Variants in HMGCLL1 observed in about 807,000 individuals in gnomAD.
HMGCLL1 encodes 3-hydroxymethyl-3-methylglutaryl-CoA lyase, cytoplasmic.
HMGCLL1 carries 36 observed loss-of-function variants against 39.1 expected under a neutral mutation model. That is an observed-to-expected ratio of 0.92 (90% confidence interval 0.71 to 1.22). The LOEUF (loss-of-function observed/expected upper bound fraction) is 1.22. Among genes scored for constraint, HMGCLL1 ranks in the 50% most tolerant of loss-of-function variants. HMGCLL1 has a pLI of 0.00. For synonymous variants in HMGCLL1, 149 were observed against 144.0 expected, an observed-to-expected ratio of 1.03 and a Z score of -0.25; for missense variants, 451 against 416.5, an observed-to-expected ratio of 1.08 and a Z score of -0.72.
the HMGCLL1 span, among the ~76,000 whole-genome samples, chr6:55,650,086 T>C: frequency 2.5e-4 from 13 of 51,126 alleles, no homozygotes; most frequent in Admixed American, 8.2e-4. Flanking sequence ...TACACACACA[T>C]ATACATATAT....
intron 7 of HMGCLL1, among the ~76,000 whole-genome samples, chr6:55,483,694 A>G (rs1765856954): frequency 6.6e-6 from 1 of 152,234 alleles, no homozygotes; most frequent in African/African-American, 2.4e-5. Context: ...ACACAAGATG[A>G]GTTGGGTTGA....
intron 7 of HMGCLL1, among the ~76,000 whole-genome samples, chr6:55,477,596 T>C (rs1765525890): frequency 1.4e-5 from 2 of 139,678 alleles, no homozygotes; most frequent in South Asian, 4.3e-4. Context: ...AAGTACCGGA[T>C]GCCTAAATGT....
At chr6:55,648,104 A>C in the HMGCLL1 span, among the ~76,000 whole-genome samples, 4 of 134,350 alleles carry the variant, frequency 3.0e-5, no homozygotes, top group East Asian at 2.2e-4. Context: ...TGAACTCATC[A>C]TTTTTTATGG....
chr6:55,674,803 A>G, the HMGCLL1 span, among the ~76,000 whole-genome samples: 7 of 152,072 alleles, frequency 4.6e-5, no homozygotes, highest in Non-Finnish European at 8.8e-5. Flanking sequence ...TTGTAAGAGC[A>G]TGATGTCCAA....
chr6:55,539,260 G>A (rs1229811967), intron 3 of HMGCLL1, among the ~76,000 whole-genome samples: 1 of 152,098 alleles, frequency 6.6e-6, no homozygotes, highest in East Asian at 1.9e-4. Flanking sequence ...TGGGAGGAAG[G>A]GAACCATTAA....
chr6:55,440,471 G>A (rs1045617798), intron 7 of HMGCLL1, among the ~76,000 whole-genome samples: 4 of 152,122 alleles, frequency 2.6e-5, no homozygotes, highest in Non-Finnish European at 2.9e-5. Context: ...CTGTGTACCG[G>A]AGAAGTTATG....
chr6:55,580,465 G>A (rs1245103835), upstream of HMGCLL1, among the ~76,000 whole-genome samples: 1 of 130,414 alleles, frequency 7.7e-6, no homozygotes, highest in Admixed American at 9.2e-5. Context: ...GCCCAGGCTG[G>A]AGTGCAGTGG....
At chr6:55,445,567 G>T (rs1763789330) in intron 7 of HMGCLL1, among the ~76,000 whole-genome samples, 1 of 151,878 alleles carries the variant, frequency 6.6e-6, no homozygotes, top group African/African-American at 2.4e-5. Flanking sequence ...GAGACTTTCG[G>T]CATTAAAGGA....
At chr6:55,540,473 C>T (rs557333122) in intron 3 of HMGCLL1, among the ~76,000 whole-genome samples, 1 of 152,124 alleles carries the variant, frequency 6.6e-6, no homozygotes, top group East Asian at 1.9e-4. Flanking sequence ...CTCTGCTCTC[C>T]ACCATATGAG....
intron 3 of HMGCLL1, among the ~76,000 whole-genome samples, chr6:55,523,774 A>C (rs1231019471): frequency 6.6e-6 from 1 of 151,948 alleles, no homozygotes; most frequent in Non-Finnish European, 1.5e-5. Context: ...GTATGTAAAT[A>C]GTTAAGGAGA....
At chr6:55,519,885 C>T (rs1461011795) in intron 3 of HMGCLL1, among the ~76,000 whole-genome samples, 1 of 151,804 alleles carries the variant, frequency 6.6e-6, no homozygotes, top group African/African-American at 2.4e-5. Flanking sequence ...TAATCTTGGC[C>T]TATATTTAAT....
the HMGCLL1 span, among the ~76,000 whole-genome samples, chr6:55,603,193 G>A: frequency 1.3e-5 from 2 of 152,000 alleles, no homozygotes; most frequent in African/African-American, 4.8e-5. Context: ...AAAACTATCA[G>A]TACCAATCTG....
At chr6:55,447,101 C>T (rs7753867) in intron 7 of HMGCLL1, among the ~76,000 whole-genome samples, 67,693 of 151,578 alleles carry the variant, frequency 0.45, 15,205 homozygotes, top group African/African-American at 0.49. Context: ...TACCAAAGGA[C>T]TGAAATTACC....
At chr6:55,451,350 C>T (rs1484198974) in intron 7 of HMGCLL1, among the ~76,000 whole-genome samples, 2 of 152,046 alleles carry the variant, frequency 1.3e-5, no homozygotes, top group African/African-American at 4.8e-5. Context: ...GGGCTGGGCG[C>T]GGTGGCTCAC....
At chr6:55,511,775 T>G (rs1767475690) in intron 5 of HMGCLL1, among the ~76,000 whole-genome samples, 1 of 152,064 alleles carries the variant, frequency 6.6e-6, no homozygotes. Context: ...TATAAATTGT[T>G]GGGAGGAATA....
chr6:55,436,123 A>T (rs375428107), intron 8 of HMGCLL1, among the ~76,000 whole-genome samples: 15 of 151,920 alleles, frequency 9.9e-5, no homozygotes, highest in East Asian at 5.8e-4. Flanking sequence ...AATGTTTTGG[A>T]GCAGTTTATA....
chr6:55,577,784 G>A (rs955530086), intron 1 of HMGCLL1, among the ~76,000 whole-genome samples: 2 of 152,188 alleles, frequency 1.3e-5, no homozygotes, highest in East Asian at 3.8e-4. Context: ...CATCAGGAAG[G>A]TCAAAATAGA....
intron 8 of HMGCLL1, 117 bp downstream of exon 8, chr6:55,439,317 C>T: frequency 9.9e-7 from 1 of 1,006,406 alleles, no homozygotes; most frequent in Non-Finnish European, 1.4e-6. Flanking sequence ...TGCATTTTAG[C>T]AAATAGCAAA....
At chr6:55,644,839 C>T in the HMGCLL1 span, among the ~76,000 whole-genome samples, 51,468 of 151,654 alleles carry the variant, frequency 0.34, 9,037 homozygotes, top group African/African-American at 0.42. Flanking sequence ...TTTGATTCCT[C>T]CAGTTTTGTT....
Sources: allele counts gnomAD v4.1 joint callset (sites outside exome capture counted in the v4.1 genomes callset), GRCh38; gene constraint gnomAD v4.1.1; transcripts MANE v1.5; gene names NCBI Gene and HGNC (gene_info 2026-07-23, HGNC 2026-07-21).